The following LPP variants were observed in gnomAD, a reference collection of about 807,000 sequenced individuals.
The protein encoded by LPP is LIM domain containing preferred translocation partner in lipoma, also known as lipoma-preferred partner.
LPP carries 38 observed loss-of-function variants against 60.4 expected under a neutral mutation model. That is an observed-to-expected ratio of 0.63 (90% CI 0.49 to 0.83). The LOEUF (loss-of-function observed/expected upper bound fraction) is 0.83. Among genes scored for constraint, LPP ranks in the 40% least tolerant of loss-of-function variants. The probability of loss-of-function intolerance (pLI) is 0.00; values close to 1 mark genes in which losing one functional copy is unlikely to be tolerated. For synonymous variants in LPP, 328 were observed against 290.8 expected, an observed-to-expected ratio of 1.13 and a Z score of -1.30; for missense variants, 902 against 783.6, an observed-to-expected ratio of 1.15 and a Z score of -1.80.
At chr3:188,812,107 A>G (rs1457272683) in intron 9 of LPP, among the ~76,000 whole-genome samples, 1 of 152,144 alleles carries the variant, frequency 6.6e-6, no homozygotes, top group African/African-American at 2.4e-5. Flanking sequence ...TCCTAGGTCA[A>G]GGTTGAGTAC....
In LPP at chr3:188,670,917, GTCT is replaced by G. The variant is rs1856831584; in HGVS notation, c.1114-37348_1114-37346del. 2.0e-5 allele frequency among the ~76,000 whole-genome samples: 3 copies of G among 152,232 alleles called. No individual in the cohort carries two copies. The South Asian group carries it at 6.2e-4, about 32-fold the overall frequency. On this transcript the variant is annotated intron_variant, in intron 7 of 11. Transcript: ENST00000617246. ...AAGACTTCCATCATTTTCTTCCATT[GTCT>G]TTCTGACTTCAGCTCCGTTGCTACT...
chr3:188,866,278 C>A lies in LPP; in HGVS notation c.1489C>A (p.Pro497Thr). The change falls in exon 10 of 12, where the codon CCT becomes ACT. Residue 497 changes from proline (P) to threonine (T), a missense_variant. Pro to Thr is a conservative substitution (Grantham distance 38). Coordinates refer to ENST00000617246, the MANE Select transcript of LPP (RefSeq NM_001375462.1). ...CCGAGCCACCGGGAAGGCCTATCAT[C>A]CTCACTGTTTCACCTGCGTGATGTG... ...ILRATGKAYHPHCFTCVMCHR... is the reference protein window; with the variant it reads ...ILRATGKAYHTHCFTCVMCHR... The A allele has an allele frequency of 6.3e-7, 1 of 1,593,462 alleles. No individual in the cohort carries two copies.
chr3:188,810,125 C>G lies in LPP; in HGVS notation c.1410+49843C>G, dbSNP rs1750460834. Among the ~76,000 whole-genome samples the G allele has an allele frequency of 1.3e-5, 2 of 152,152 alleles. 1 individual carries two copies. The highest frequency in any genetic ancestry group is 4.1e-4 in the South Asian group (2 of 4,826). Reference sequence around the variant, plus strand: ...AGTATAAATTAAATTCCGCTTCTATCTGCACTGCCCAAAGATTCTGTGTTT... The same window carrying G: ...AGTATAAATTAAATTCCGCTTCTATGTGCACTGCCCAAAGATTCTGTGTTT... On this transcript the variant is annotated intron_variant, in intron 9 of 11. Coordinates refer to ENST00000617246, the MANE Select transcript of LPP (RefSeq NM_001375462.1).
At chr3:188,546,976 G>C (rs1057115630) in intron 6 of LPP, among the ~76,000 whole-genome samples, 1 of 152,194 alleles carries the variant, frequency 6.6e-6, no homozygotes, top group Non-Finnish European at 1.5e-5. Context: ...TCTACTGTAA[G>C]AAAAAGATGT....
At chr3:188,370,965 C>T (rs2151061935) in intron 3 of LPP, among the ~76,000 whole-genome samples, 1 of 152,220 alleles carries the variant, frequency 6.6e-6, no homozygotes, top group South Asian at 2.1e-4. Context: ...TGCTTATATA[C>T]AACACAAAAT....
chr3:188,556,468 C>T (rs74743417), intron 6 of LPP, among the ~76,000 whole-genome samples: 2,106 of 152,102 alleles, frequency 0.014, 24 homozygotes, highest in South Asian at 0.049. Flanking sequence ...TAATTGTTAG[C>T]TCTAGTGATT....
At position 188,793,819 on chromosome 3, in the gene LPP, T is replaced by C. The variant is rs115102653; in HGVS notation, c.1410+33537T>C. On this transcript the variant is annotated intron_variant, in intron 9 of 11. Transcript: ENST00000617246. ...TTAGTCTCTGCCCTTGTGGAACTCA[T>C]ATTCCCATGTTTGTAAAGGAGTCTG... Among the ~76,000 whole-genome samples the C allele has an allele frequency of 5.9e-3, 892 of 152,246 alleles. 13 individuals are homozygous for C. The highest frequency in any genetic ancestry group is 0.02 in the African/African-American group (833 of 41,530).
At chr3:188,257,375 T>A (rs979992480) in intron 2 of LPP, among the ~76,000 whole-genome samples, 3 of 152,178 alleles carry the variant, frequency 2.0e-5, no homozygotes, top group Admixed American at 1.3e-4. Context: ...TCGTGTTACC[T>A]CCTGAGGCCA....
intron 9 of LPP, among the ~76,000 whole-genome samples, chr3:188,827,940 G>A (rs1756017345): frequency 6.6e-6 from 1 of 151,974 alleles, no homozygotes; most frequent in South Asian, 2.1e-4. Flanking sequence ...GTCTACCTTT[G>A]TATGGTACAT....
intron 6 of LPP, among the ~76,000 whole-genome samples, chr3:188,569,533 A>G (rs933619747): frequency 6.6e-6 from 1 of 152,052 alleles, no homozygotes; most frequent in Admixed American, 6.6e-5. Flanking sequence ...ATTAAATAAA[A>G]GATATGGATT....
chr3:188,533,936 C>A (rs543252864), intron 6 of LPP, among the ~76,000 whole-genome samples: 1 of 152,048 alleles, frequency 6.6e-6, no homozygotes, highest in Non-Finnish European at 1.5e-5. Flanking sequence ...TTGTGTCATG[C>A]GTAATAAGCA....
intron 9 of LPP, among the ~76,000 whole-genome samples, chr3:188,787,187 C>T (rs1211595237): frequency 1.3e-5 from 2 of 152,010 alleles, no homozygotes; most frequent in African/African-American, 2.4e-5. Flanking sequence ...AATATTGTAC[C>T]ATAGTTTTAC....
At chr3:188,265,196 G>A (rs986875872) in intron 2 of LPP, among the ~76,000 whole-genome samples, 2 of 152,160 alleles carry the variant, frequency 1.3e-5, no homozygotes, top group African/African-American at 2.4e-5. Context: ...TATTGTTGTT[G>A]TTTGTTTTGT....
intron 5 of LPP, among the ~76,000 whole-genome samples, chr3:188,485,679 C>G (rs1806196778): frequency 6.7e-6 from 1 of 149,526 alleles, no homozygotes; most frequent in Non-Finnish European, 1.5e-5. Flanking sequence ...CGCCTGTAGT[C>G]CCAGCTACTT....
At chr3:188,231,324 C>T (rs1327848736) in intron 2 of LPP, among the ~76,000 whole-genome samples, 2 of 152,150 alleles carry the variant, frequency 1.3e-5, no homozygotes, top group African/African-American at 2.4e-5. Flanking sequence ...TGGAAGTGGA[C>T]GTTGCCTGAA....
At chr3:188,443,916 C>T (rs552950044) in intron 4 of LPP, among the ~76,000 whole-genome samples, 1 of 152,334 alleles carries the variant, frequency 6.6e-6, no homozygotes, top group East Asian at 1.9e-4. Flanking sequence ...GCTCTTCTAA[C>T]AGGCTCTCAT....
intron 6 of LPP, among the ~76,000 whole-genome samples, chr3:188,580,911 T>A (rs1835929067): frequency 6.6e-6 from 1 of 152,090 alleles, no homozygotes. Context: ...GAGAATTCCT[T>A]CTTCTTTAAG....
At chr3:188,179,118 T>A in intron 1 of LPP, 1 of 255,886 alleles carries the variant, frequency 3.9e-6, no homozygotes, top group African/African-American at 2.8e-5. Flanking sequence ...GAGAGAGAGG[T>A]TTTGAGAGCA....
intron 2 of LPP, among the ~76,000 whole-genome samples, chr3:188,257,616 C>T (rs752748078): frequency 2.6e-5 from 4 of 152,180 alleles, no homozygotes; most frequent in Non-Finnish European, 5.9e-5. Flanking sequence ...CTGTTTCTCA[C>T]TTTTGTTCTC....
Sources: gnomAD v4.1 joint callset for allele counts (sites outside exome capture counted in the v4.1 genomes callset) on GRCh38, gnomAD v4.1.1 for gene constraint, MANE v1.5 for transcripts, NCBI Gene and HGNC (gene_info 2026-07-23, HGNC 2026-07-21) for gene names.